Variants in NEURL1B observed in about 807,000 individuals in gnomAD.
NEURL1B encodes neuralized E3 ubiquitin protein ligase 1B, also known as E3 ubiquitin-protein ligase NEURL1B.
Under a neutral mutation model 37.4 loss-of-function variants are expected in NEURL1B, and 13 were observed. The observed-to-expected ratio is 0.35, with a 90% CI of 0.23 to 0.55. The LOEUF (loss-of-function observed/expected upper bound fraction) is 0.55, where lower values mean the gene tolerates loss of function less well. Ranked by LOEUF, NEURL1B falls within the 20% of genes least tolerant of loss-of-function variation. The pLI is 0.89. For missense variants in NEURL1B, 790 were observed against 879.2 expected (o/e 0.90, Z 1.28); for synonymous variants, 432 against 426.6 (o/e 1.01, Z -0.16).
rs1758543807 is a variant in NEURL1B at position 172,687,853 on chromosome 5, C to T, written c.*928C>T. 6.6e-6 allele frequency: 1 copy of T among 152,206 alleles called. No homozygotes were observed. 9.4% of individuals were successfully genotyped at this position (152,206 alleles called of 1,614,324 possible). ...GAGCTGGAAAGCCCACTCCACGATG[C>T]AGACAGCTCTCTACCTTCCTGTGGT... On this transcript the variant is annotated 3_prime_UTR_variant, in exon 5 of 5. Coordinates refer to ENST00000369800, the MANE Select transcript of NEURL1B (RefSeq NM_001142651.3).
chr5:172,672,544 C>CG (rs1554098451), intron 2 of NEURL1B, among the ~76,000 whole-genome samples: 4 of 147,106 alleles, frequency 2.7e-5, no homozygotes, highest in African/African-American at 7.5e-5. Context: ...GAACTCTCCC[C>CG]CCCCCACTCT....
chr5:172,686,266 C>T lies in NEURL1B; in HGVS notation c.1393C>T (p.Gln465Ter). 4 of 1,551,706 alleles carry T rather than the reference C, an allele frequency of 2.6e-6. No individual in the cohort carries two copies. The highest frequency in any genetic ancestry group is 3.5e-6 in the Non-Finnish European group (4 of 1,147,000). Residue 465 changes from glutamine to a stop codon, truncating the protein, a stop_gained, in exon 4 of 5, where the codon CAG becomes TAG. Transcript: ENST00000369800. LOFTEE classifies it high-confidence loss of function. This position sits in a 1 kb window ranked among gnomAD's most constrained non-coding sequence, Gnocchi z 7.9. ...TTCAGATATGACCTTCAGTGTCAAC[C>T]AGTCCTCCTCGGCATCTGAGTCATC... ...SDSDMTFSVN[Q>*]SSSASESSLV... is the part of the protein sequence containing the mutation.
chr5:172,684,191 C>G (rs1758434236), intron 3 of NEURL1B, 53 bp downstream of exon 3: 2 of 1,177,804 alleles, frequency 1.7e-6, no homozygotes, highest in East Asian at 3.6e-5. Context: ...CGTCCCGTGC[C>G]GTCTCACCCC....
At chr5:172,650,367 G>A (rs962623624) in intron 1 of NEURL1B, among the ~76,000 whole-genome samples, 1 of 152,110 alleles carries the variant, frequency 6.6e-6, no homozygotes, top group African/African-American at 2.4e-5. Flanking sequence ...GTCACTCAGG[G>A]GCTCTGTTCT....
chr5:172,673,905 G>A (rs187954183), intron 2 of NEURL1B, among the ~76,000 whole-genome samples: 420 of 151,852 alleles, frequency 2.8e-3, no homozygotes, highest in African/African-American at 9.6e-3. Flanking sequence ...TTGGGAGGCC[G>A]AGGCAGGCGG....
At chr5:172,674,448 G>A (rs1413009256) in intron 2 of NEURL1B, among the ~76,000 whole-genome samples, 1 of 152,142 alleles carries the variant, frequency 6.6e-6, no homozygotes, top group East Asian at 1.9e-4. Flanking sequence ...GAGAAGGAAA[G>A]TGACTAGCTT....
At chr5:172,682,756 G>C (rs1259694111) in intron 2 of NEURL1B, among the ~76,000 whole-genome samples, 1 of 152,184 alleles carries the variant, frequency 6.6e-6, no homozygotes, top group Non-Finnish European at 1.5e-5. Flanking sequence ...ATGTGTTGAA[G>C]AGCCCAGACT....
chr5:172,650,695 T>C (rs1239613666), intron 1 of NEURL1B, among the ~76,000 whole-genome samples: 1 of 152,170 alleles, frequency 6.6e-6, no homozygotes, highest in Non-Finnish European at 1.5e-5. Context: ...GTTACTTCTA[T>C]AGAAGGGTAT....
rs1267851208 is a variant in NEURL1B, at chr5:172,663,539, A to AG, written c.32-6246_32-6245insG. ...CCATCTCAAAAAAAAAAAAAAAAAA[A>AG]AAAGCCATGGGATTTGGGCCAGGGC... On this transcript the variant is annotated intron_variant, in intron 1 of 4. Transcript: ENST00000369800. 4.8e-4 allele frequency among the ~76,000 whole-genome samples: 69 copies of AG among 143,324 alleles called. 3 individuals are homozygous for AG. Among genetic ancestry groups the AG allele is most frequent in the Admixed American group, 6.9e-4 (10 of 14,406 alleles). The allele number at this position is 143,324 out of a possible 152,430, so 94.0% of individuals were successfully genotyped here.
rs1167820230 is a variant in NEURL1B, at chr5:172,676,294, ATCT to A, written c.577+5969_577+5971del. The stretch of plus-strand genomic sequence containing the variant: ...GTCTGTCTTCATTTCTCATTTTGCC[ATCT>A]TCTTTGGTGGCCTCATCCTCAGCTG... On this transcript the variant is annotated intron_variant, in intron 2 of 4. Transcript: ENST00000369800. The surrounding 1 kb of genome is among the most constrained non-coding windows in gnomAD (Gnocchi z 4.5). 6.6e-6 allele frequency among the ~76,000 whole-genome samples: 1 copy of A among 152,156 alleles called. No homozygotes were observed. The highest frequency in any genetic ancestry group is 1.5e-5 in the Non-Finnish European group (1 of 68,024).
intron 2 of NEURL1B, among the ~76,000 whole-genome samples, chr5:172,681,747 G>A (rs887737690): frequency 1.2e-4 from 19 of 152,088 alleles, no homozygotes; most frequent in Admixed American, 7.9e-4. Context: ...GGCATAATTC[G>A]AAAAAGCATG....
chr5:172,664,614 G>A (rs916952098), intron 1 of NEURL1B, among the ~76,000 whole-genome samples: 1 of 152,192 alleles, frequency 6.6e-6, no homozygotes, highest in Admixed American at 6.5e-5. Flanking sequence ...AGGATGATCC[G>A]CAGGGCCCTT....
intron 1 of NEURL1B, among the ~76,000 whole-genome samples, chr5:172,642,843 C>T (rs765494299): frequency 9.2e-5 from 14 of 152,314 alleles, no homozygotes; most frequent in Non-Finnish European, 1.9e-4. Context: ...AGGGCTATTG[C>T]CAGGTTGGGG....
chr5:172,665,696 C>A lies in NEURL1B; in HGVS notation c.32-4089C>A, dbSNP rs115660812. On this transcript the variant is annotated intron_variant, in intron 1 of 4. Transcript: ENST00000369800. The surrounding 1 kb of genome is among the most constrained non-coding windows in gnomAD (Gnocchi z 4.1). ...CCTACCGTATCACTTTACCCTCCCC[C>A]CAAATTCCAGCCTCCCCCTGCCTCT... Among the ~76,000 whole-genome samples, 959 of 152,168 alleles carry A rather than the reference C, an allele frequency of 6.3e-3. 11 individuals carry two copies. The highest frequency in any genetic ancestry group is 0.022 in the African/African-American group (905 of 41,512).
At chr5:172,678,060 G>C (rs1390356766) in intron 2 of NEURL1B, among the ~76,000 whole-genome samples, 1 of 152,118 alleles carries the variant, frequency 6.6e-6, no homozygotes, top group Non-Finnish European at 1.5e-5. Flanking sequence ...CCGGCTGTGT[G>C]AATGTTGCTG....
intron 1 of NEURL1B, among the ~76,000 whole-genome samples, chr5:172,656,052 T>A (rs1757770783): frequency 6.6e-6 from 1 of 152,220 alleles, no homozygotes; most frequent in Non-Finnish European, 1.5e-5. Flanking sequence ...GGGGTTCTTA[T>A]CCCTGACGCA....
At chr5:172,652,747 A>G (rs1338462379) in intron 1 of NEURL1B, among the ~76,000 whole-genome samples, 1 of 152,248 alleles carries the variant, frequency 6.6e-6, no homozygotes, top group Non-Finnish European at 1.5e-5. Flanking sequence ...TGACTTGGCA[A>G]GTCCCCACAG....
intron 2 of NEURL1B, among the ~76,000 whole-genome samples, chr5:172,673,814 CAA>C (rs34986749): frequency 1.3e-4 from 16 of 124,366 alleles, no homozygotes; most frequent in Admixed American, 2.4e-4. Context: ...CGTACTTATG[CAA>C]AAAAAAAAAA....
Position 172,686,142 on chromosome 5 carries a change from G to GC in NEURL1B, c.1298-25dup, listed in dbSNP as rs1163781944. 1.5e-5 allele frequency: 23 copies of GC among 1,549,920 alleles called. No homozygotes were observed. In the Middle Eastern group the frequency reaches 6.7e-4, roughly 45 times the overall value. The stretch of plus-strand genomic sequence containing the variant: ...AGCAGGGCAGGTCCAACCTTCCACT[G>GC]CCCCTGATGGAATCTCTTTGGGCCT... On this transcript the variant is annotated intron_variant, in intron 3 of 4. Coordinates refer to ENST00000369800, the MANE Select transcript of NEURL1B (RefSeq NM_001142651.3). This position sits in a 1 kb window ranked among gnomAD's most constrained non-coding sequence, Gnocchi z 7.9.
Sources: allele counts gnomAD v4.1 joint callset (sites outside exome capture counted in the v4.1 genomes callset), GRCh38; gene constraint gnomAD v4.1.1; non-coding constraint Gnocchi (gnomAD v3.1); transcripts MANE v1.5; gene names NCBI Gene and HGNC (gene_info 2026-07-23, HGNC 2026-07-21).